The following ZMAT4 variants were observed in gnomAD, a reference collection of about 807,000 sequenced individuals.
The protein encoded by ZMAT4 is zinc finger matrin-type protein 4.
In ZMAT4, 17 loss-of-function variants were observed where a neutral mutation model predicts 28.7. That is an observed-to-expected ratio of 0.59 (90% CI 0.41 to 0.89). ZMAT4 has a LOEUF of 0.89. ZMAT4 is among the 40% of genes least tolerant of loss of function. ZMAT4 has a pLI of 0.00. For synonymous variants in ZMAT4, 117 were observed against 109.2 expected (o/e 1.07, Z -0.44); for missense variants, 240 against 283.8 (o/e 0.85, Z 1.11).
At chr8:40,593,405 C>T (rs564201295) in intron 5 of ZMAT4, among the ~76,000 whole-genome samples, 4 of 152,288 alleles carry the variant, frequency 2.6e-5, no homozygotes, top group South Asian at 2.1e-4. Context: ...TCTAGAGGCA[C>T]GCTTCTTCCC....
At chr8:40,851,004 G>A (rs1371552580) in intron 1 of ZMAT4, among the ~76,000 whole-genome samples, 2 of 152,150 alleles carry the variant, frequency 1.3e-5, no homozygotes, top group Admixed American at 6.5e-5. Flanking sequence ...ACCATTACAT[G>A]TTAATATATG....
At chr8:40,772,674 G>A (rs1443857878) in intron 2 of ZMAT4, among the ~76,000 whole-genome samples, 1 of 152,096 alleles carries the variant, frequency 6.6e-6, no homozygotes, top group Non-Finnish European at 1.5e-5. Context: ...TCTCAAATAA[G>A]CTTTAAGATC....
rs141867589 is a variant in ZMAT4 at position 40,736,274 on chromosome 8, A to T, written c.192+31367T>A. On this transcript the variant is annotated intron_variant, in intron 3 of 6. Coordinates refer to ENST00000297737, the MANE Select transcript of ZMAT4 (RefSeq NM_024645.3). ...CTAACCTTTCCTGACTGCTGCAAAC[A>T]GCTCACCAGGAAAATGTACAGGAGG... Among the ~76,000 whole-genome samples the T allele has an allele frequency of 2.3e-3, 351 of 152,340 alleles. 2 individuals carry two copies. Among genetic ancestry groups the T allele is most frequent in the African/African-American group, 7.9e-3 (328 of 41,584 alleles).
chr8:40,716,163 T>C (rs1810845126), intron 3 of ZMAT4, among the ~76,000 whole-genome samples: 1 of 152,202 alleles, frequency 6.6e-6, no homozygotes, highest in African/African-American at 2.4e-5. Flanking sequence ...ACTGTATTCA[T>C]GATACGCAGA....
intron 2 of ZMAT4, among the ~76,000 whole-genome samples, chr8:40,776,238 A>T (rs772761493): frequency 2.0e-5 from 3 of 152,226 alleles, no homozygotes; most frequent in Non-Finnish European, 4.4e-5. Flanking sequence ...GAATTAGGTC[A>T]CTTCGTTTCT....
intron 6 of ZMAT4, among the ~76,000 whole-genome samples, chr8:40,580,302 GCACCCGGCCTATTCATCTTTT>G (rs1563349281): frequency 6.6e-6 from 1 of 152,000 alleles, no homozygotes; most frequent in Admixed American, 6.6e-5. Context: ...ATGAGCCACC[GCACCCGGCCTATTCATCTTTT>G]CTTCCCTAGT....
intron 5 of ZMAT4, among the ~76,000 whole-genome samples, chr8:40,632,227 A>G (rs1454648399): frequency 2.0e-5 from 3 of 152,224 alleles, no homozygotes; most frequent in Non-Finnish European, 4.4e-5. Flanking sequence ...TTTCCATAAA[A>G]ACAAGGCCAG....
intron 6 of ZMAT4, among the ~76,000 whole-genome samples, chr8:40,537,273 T>G (rs1156557608): frequency 1.3e-5 from 2 of 152,180 alleles, no homozygotes; most frequent in African/African-American, 4.8e-5. Flanking sequence ...GGGGTTCAGT[T>G]GACACCTCTG....
At chr8:40,588,784 G>A (rs991006384) in intron 5 of ZMAT4, among the ~76,000 whole-genome samples, 2 of 152,006 alleles carry the variant, frequency 1.3e-5, no homozygotes, top group African/African-American at 4.8e-5. Flanking sequence ...TCTACTCCTA[G>A]ATATTTACCT....
chr8:40,599,373 CA>C (rs1163992481), intron 5 of ZMAT4, among the ~76,000 whole-genome samples: 1 of 151,248 alleles, frequency 6.6e-6, no homozygotes, highest in Non-Finnish European at 1.5e-5. Flanking sequence ...TATGTATACA[CA>C]GCACATATAT....
intron 3 of ZMAT4, among the ~76,000 whole-genome samples, chr8:40,702,580 A>G (rs1379789891): frequency 1.3e-5 from 2 of 152,212 alleles, no homozygotes; most frequent in Non-Finnish European, 2.9e-5. Context: ...TTTAATCCCC[A>G]AACACCTTTC....
intron 5 of ZMAT4, among the ~76,000 whole-genome samples, chr8:40,592,755 C>T (rs1804939945): frequency 6.6e-6 from 1 of 152,108 alleles, no homozygotes; most frequent in Admixed American, 6.5e-5. Context: ...ATTTAAAGAG[C>T]TTGTTTATTG....
At chr8:40,840,091 A>C (rs1241030549) in intron 1 of ZMAT4, among the ~76,000 whole-genome samples, 1 of 152,192 alleles carries the variant, frequency 6.6e-6, no homozygotes, top group East Asian at 1.9e-4. Context: ...GTGGTGGACA[A>C]GGGAGATGCA....
rs186227678 is a variant in ZMAT4, at chr8:40,732,754, T to C, written c.192+34887A>G. On this transcript the variant is annotated intron_variant, in intron 3 of 6. Coordinates refer to ENST00000297737, the MANE Select transcript of ZMAT4 (RefSeq NM_024645.3). ...AGGCCCTGAGGCCTGGATGCCCCAG[T>C]GGCCTCAACTGTGGGAAGAAGAAAA... Among the ~76,000 whole-genome samples, 512 of 147,848 alleles carry C rather than the reference T, an allele frequency of 3.5e-3. 3 individuals carry two copies. The highest frequency in any genetic ancestry group is 0.018 in the Admixed American group (258 of 14,736).
chr8:40,758,887 A>G (rs1437072407), intron 3 of ZMAT4, among the ~76,000 whole-genome samples: 1 of 152,096 alleles, frequency 6.6e-6, no homozygotes, highest in Non-Finnish European at 1.5e-5. Context: ...AATGAAACAG[A>G]GAATCAGTAA....
At chr8:40,781,274 C>T (rs1813812346) in intron 2 of ZMAT4, among the ~76,000 whole-genome samples, 1 of 151,832 alleles carries the variant, frequency 6.6e-6, no homozygotes. Context: ...TTTCCAATAG[C>T]ATAAAAAAAA....
At chr8:40,866,885 C>A (rs961243065) in intron 1 of ZMAT4, among the ~76,000 whole-genome samples, 2 of 152,200 alleles carry the variant, frequency 1.3e-5, no homozygotes, top group African/African-American at 4.8e-5. Context: ...ATACAAATCC[C>A]CCTAATCTAC....
chr8:40,706,256 G>A (rs1052946199), intron 3 of ZMAT4, among the ~76,000 whole-genome samples: 4 of 151,994 alleles, frequency 2.6e-5, no homozygotes, highest in South Asian at 2.1e-4. Flanking sequence ...GGGTTTCACC[G>A]TGTTAGACAG....
At chr8:40,738,412 G>T (rs1361861663) in intron 3 of ZMAT4, among the ~76,000 whole-genome samples, 1 of 152,178 alleles carries the variant, frequency 6.6e-6, no homozygotes, top group Non-Finnish European at 1.5e-5. Flanking sequence ...GCGGTGGCTG[G>T]ACAGCAGGAA....
Sources: allele counts gnomAD v4.1 joint callset (sites outside exome capture counted in the v4.1 genomes callset), GRCh38; gene constraint gnomAD v4.1.1; transcripts MANE v1.5; gene names NCBI Gene and HGNC (gene_info 2026-07-23, HGNC 2026-07-21).